The following RSRC1 variants were observed in gnomAD, a reference collection of about 807,000 sequenced individuals.
The protein encoded by RSRC1 is arginine and serine rich coiled-coil 1, also known as serine/Arginine-related protein 53.
Under a neutral mutation model 49.1 loss-of-function variants are expected in RSRC1, and 39 were observed. The observed-to-expected ratio is 0.79, with a 90% confidence interval of 0.61 to 1.04. RSRC1 has a LOEUF of 1.04. Among genes scored for constraint, RSRC1 ranks in the 50% least tolerant of loss-of-function variants. RSRC1 has a pLI of 0.00. For missense variants in RSRC1, 388 were observed against 402.4 expected (o/e 0.96, Z 0.31); for synonymous variants, 143 against 130.8 (o/e 1.09, Z -0.63).
intron 4 of RSRC1, among the ~76,000 whole-genome samples, chr3:158,229,876 A>G (rs1045829603): frequency 1.3e-5 from 2 of 152,018 alleles, no homozygotes; most frequent in Admixed American, 6.6e-5. Flanking sequence ...AGAATTTTTT[A>G]CATAGCTAAA....
chr3:158,117,800 C>CT (rs202012377), intron 1 of RSRC1, among the ~76,000 whole-genome samples: 120 of 148,656 alleles, frequency 8.1e-4, no homozygotes, highest in African/African-American at 1.7e-3. Flanking sequence ...CTTTTCTATT[C>CT]TTTTTTTTTT....
chr3:158,115,749 C>T (rs1350176355), intron 1 of RSRC1, among the ~76,000 whole-genome samples: 1 of 152,036 alleles, frequency 6.6e-6, no homozygotes, highest in Non-Finnish European at 1.5e-5. Flanking sequence ...TCATTCAATC[C>T]ACTGAGATAA....
At chr3:158,419,428 G>T (rs1432166758) in intron 6 of RSRC1, among the ~76,000 whole-genome samples, 1 of 151,880 alleles carries the variant, frequency 6.6e-6, no homozygotes, top group East Asian at 1.9e-4. Flanking sequence ...ATTGTCATAG[G>T]TGACAGTTTA....
At chr3:158,195,711 C>T (rs1383640177) in intron 3 of RSRC1, among the ~76,000 whole-genome samples, 1 of 152,186 alleles carries the variant, frequency 6.6e-6, no homozygotes, top group African/African-American at 2.4e-5. Context: ...CAGCTTTCTA[C>T]ATATGGCTAG....
chr3:158,234,290 A>G (rs1014185442), intron 4 of RSRC1, among the ~76,000 whole-genome samples: 4 of 152,210 alleles, frequency 2.6e-5, no homozygotes, highest in African/African-American at 9.6e-5. Flanking sequence ...TAATGAAGAC[A>G]GAGTTTAATC....
chr3:158,193,487 G>A (rs933490756), intron 3 of RSRC1, among the ~76,000 whole-genome samples: 2 of 151,950 alleles, frequency 1.3e-5, no homozygotes, highest in African/African-American at 2.4e-5. Flanking sequence ...TTGTTACTCT[G>A]TATTTTCACA....
intron 1 of RSRC1, among the ~76,000 whole-genome samples, chr3:158,114,843 T>C (rs567584949): frequency 6.6e-6 from 1 of 152,338 alleles, no homozygotes; most frequent in East Asian, 1.9e-4. Context: ...TTTTTGCACA[T>C]TGATTTTGTA....
At chr3:158,312,751 T>G (rs1728202589) in intron 5 of RSRC1, among the ~76,000 whole-genome samples, 1 of 152,154 alleles carries the variant, frequency 6.6e-6, no homozygotes, top group Non-Finnish European at 1.5e-5. Context: ...TACCATATCT[T>G]GCTAACACTT....
At chr3:158,479,801 C>T (rs1407977595) in intron 7 of RSRC1, among the ~76,000 whole-genome samples, 1 of 152,000 alleles carries the variant, frequency 6.6e-6, no homozygotes, top group African/African-American at 2.4e-5. Flanking sequence ...GCTAATTTAA[C>T]TGATCCATCA....
intron 4 of RSRC1, among the ~76,000 whole-genome samples, chr3:158,267,873 T>TTTTTTTTTTG (rs1725286569): frequency 6.7e-6 from 1 of 149,486 alleles, no homozygotes; most frequent in Non-Finnish European, 1.5e-5. Context: ...TTTTTTTTTT[T>TTTTTTTTTTG]TTTTTGGCTT....
intron 6 of RSRC1, among the ~76,000 whole-genome samples, chr3:158,376,815 G>C (rs1167951953): frequency 6.6e-6 from 1 of 151,988 alleles, no homozygotes; most frequent in Admixed American, 6.6e-5. Flanking sequence ...TTGGTTGGAC[G>C]GGGAAGTTGG....
chr3:158,274,187 A>G (rs1725677300), intron 4 of RSRC1, among the ~76,000 whole-genome samples: 1 of 152,114 alleles, frequency 6.6e-6, no homozygotes, highest in Admixed American at 6.6e-5. Flanking sequence ...AGAAATATGA[A>G]TTTTAGGGGT....
At chr3:158,272,244 G>C (rs1286283615) in intron 4 of RSRC1, among the ~76,000 whole-genome samples, 1 of 152,068 alleles carries the variant, frequency 6.6e-6, no homozygotes, top group East Asian at 1.9e-4. Context: ...GTGCCCCAAA[G>C]AACGGCCTTA....
intron 3 of RSRC1, among the ~76,000 whole-genome samples, chr3:158,201,536 T>A (rs1344971193): frequency 6.6e-6 from 1 of 152,132 alleles, no homozygotes; most frequent in African/African-American, 2.4e-5. Flanking sequence ...GGGGCTTTCT[T>A]ATTACAGTCT....
In RSRC1 at chr3:158,539,859, G is replaced by C. The variant is rs750450758; in HGVS notation, c.759+2661G>C. 2.0e-5 allele frequency among the ~76,000 whole-genome samples: 3 copies of C among 152,068 alleles called. No homozygotes were observed. Among genetic ancestry groups the C allele is most frequent in the Non-Finnish European group, 2.9e-5 (2 of 68,012 alleles). On this transcript the variant is annotated intron_variant, in intron 8 of 9. Coordinates refer to ENST00000611884, the MANE Select transcript of RSRC1 (RefSeq NM_001271838.2). The surrounding 1 kb of genome is among the most constrained non-coding windows in gnomAD (Gnocchi z 4.1). ...AAAGAAATCTTAATGTACTGTGTAC[G>C]TAAAAACAAGATGAGATTGCTTGGT...
intron 5 of RSRC1, among the ~76,000 whole-genome samples, chr3:158,312,822 G>T (rs2108147479): frequency 6.6e-6 from 1 of 152,106 alleles, no homozygotes; most frequent in Admixed American, 6.5e-5. Context: ...CACTGCTCTG[G>T]TTAAAGCTTT....
intron 4 of RSRC1, among the ~76,000 whole-genome samples, chr3:158,254,286 T>G (rs927637614): frequency 1.3e-5 from 2 of 152,208 alleles, no homozygotes; most frequent in African/African-American, 2.4e-5. Context: ...TACCCAGTAA[T>G]GGGATTGCTG....
chr3:158,302,666 C>CTTTTTTTTTTTTTTTTTTT (rs1559983974), intron 5 of RSRC1: 1 of 39,256 alleles, frequency 2.5e-5, no homozygotes, highest in Non-Finnish European at 4.6e-5. Context: ...CTTTTTTCTT[C>CTTTTTTTTTTTTTTTTTTT]CTTTTTTTTT....
intron 1 of RSRC1, among the ~76,000 whole-genome samples, chr3:158,112,152 A>G (rs1008976651): frequency 6.6e-6 from 1 of 152,170 alleles, no homozygotes; most frequent in African/African-American, 2.4e-5. Flanking sequence ...CTACAGATAG[A>G]TTGAAAATTG....
Sources: allele counts gnomAD v4.1 joint callset (sites outside exome capture counted in the v4.1 genomes callset), GRCh38; gene constraint gnomAD v4.1.1; non-coding constraint Gnocchi (gnomAD v3.1); transcripts MANE v1.5; gene names NCBI Gene and HGNC (gene_info 2026-07-23, HGNC 2026-07-21).